Variants in NPNT observed in about 807,000 individuals in gnomAD.
NPNT encodes nephronectin.
Under a neutral mutation model 68.6 loss-of-function variants are expected in NPNT, and 45 were observed. The observed-to-expected ratio is 0.66, with a 90% CI of 0.52 to 0.84. The LOEUF is 0.84. Ranked by LOEUF, NPNT falls within the 40% of genes least tolerant of loss-of-function variation. The pLI is 0.00. For synonymous variants in NPNT, 233 were observed against 253.3 expected (o/e 0.92, Z 0.76); for missense variants, 672 against 714.8 (o/e 0.94, Z 0.68).
Position 105,970,424 on chromosome 4 carries a change from A to C in NPNT, c.*1434A>C. 1 of 701,408 alleles carries C rather than the reference A, an allele frequency of 1.4e-6. No homozygotes were observed. The highest frequency in any genetic ancestry group is 1.5e-5 in the South Asian group (1 of 67,536). 43.4% of individuals were successfully genotyped at this position (701,408 alleles called of 1,614,324 possible). ...ATTAAAGGGTTGGAAAAAAAGATCT[A>C]TGATGGAAAATTAAAGGAACTGGGA... is the stretch of plus-strand genomic sequence containing the variant. On this transcript the variant is annotated 3_prime_UTR_variant, in exon 12 of 12. Transcript: ENST00000379987.
chr4:105,957,332 C>A (rs1731311615), intron 8 of NPNT, among the ~76,000 whole-genome samples: 1 of 152,134 alleles, frequency 6.6e-6, no homozygotes, highest in Non-Finnish European at 1.5e-5. Flanking sequence ...TCTTGTCTAC[C>A]CCGTTCACCC....
chr4:105,967,970 T>C (rs1370284851), intron 11 of NPNT, among the ~76,000 whole-genome samples: 1 of 152,192 alleles, frequency 6.6e-6, no homozygotes, highest in Non-Finnish European at 1.5e-5. Context: ...AAAGCACTAT[T>C]CTATTCAGGA....
intron 2 of NPNT, among the ~76,000 whole-genome samples, chr4:105,909,365 G>A (rs1025309054): frequency 6.6e-6 from 1 of 152,100 alleles, no homozygotes; most frequent in Non-Finnish European, 1.5e-5. Context: ...TGGTGTCTAT[G>A]TATGGCCAAG....
intron 3 of NPNT, among the ~76,000 whole-genome samples, chr4:105,932,358 G>A (rs1025226590): frequency 1.3e-5 from 2 of 152,112 alleles, no homozygotes; most frequent in Admixed American, 6.5e-5. Flanking sequence ...TTAAAAAATT[G>A]TATGACGATG....
intron 10 of NPNT, among the ~76,000 whole-genome samples, chr4:105,966,656 CT>C (rs1732162210): frequency 6.6e-6 from 1 of 151,226 alleles, no homozygotes. Flanking sequence ...TTTAAAGAAC[CT>C]TTACGTTTAG....
rs1029664996 is a variant in NPNT, at chr4:105,967,242, G to T, written c.1400G>T (p.Arg467Leu). 2 of 1,614,000 alleles carry T rather than the reference G, an allele frequency of 1.2e-6. No homozygotes were observed. Among genetic ancestry groups the T allele is most frequent in the East Asian group, 2.2e-5 (1 of 44,874 alleles). The part of the protein sequence containing the change: ...AAKAPGGKAA[R>L]LVLPLGRLMH... ...AAAGCCCCAGGGGGAAAAGCTGCAC[G>T]CTTGGTGCTACCTCTCGGCCGCCTC... Residue 467 changes from arginine to leucine, a missense_variant, in exon 11 of 12, where the codon CGC becomes CTC. Coordinates refer to ENST00000379987, the MANE Select transcript of NPNT (RefSeq NM_001033047.3).
chr4:105,948,035 C>T (rs963503418), intron 8 of NPNT, among the ~76,000 whole-genome samples: 7 of 152,022 alleles, frequency 4.6e-5, no homozygotes, highest in Admixed American at 1.3e-4. Flanking sequence ...CTAAGTAATC[C>T]TTCATATGCT....
At chr4:105,960,200 G>C (rs78616685) in intron 10 of NPNT, among the ~76,000 whole-genome samples, 3 of 152,026 alleles carry the variant, frequency 2.0e-5, no homozygotes, top group Admixed American at 1.3e-4. Context: ...CCTGATTCTA[G>C]ATTTTAAGAA....
At chr4:105,956,694 C>T (rs1731255456) in intron 8 of NPNT, among the ~76,000 whole-genome samples, 1 of 152,130 alleles carries the variant, frequency 6.6e-6, no homozygotes, top group African/African-American at 2.4e-5. Flanking sequence ...AAAAGAGGCA[C>T]TCCCCGTCTC....
At chr4:105,935,718 G>A (rs1254055919) in intron 3 of NPNT, among the ~76,000 whole-genome samples, 1 of 152,162 alleles carries the variant, frequency 6.6e-6, no homozygotes, top group Admixed American at 6.5e-5. Context: ...CTCGGGGTCT[G>A]CTTACAGTTG....
At chr4:105,920,395 T>TAAAAAAAAAAAAAAAAAAAAAA (rs11355483) in intron 2 of NPNT, among the ~76,000 whole-genome samples, 9 of 79,460 alleles carry the variant, frequency 1.1e-4, no homozygotes, top group African/African-American at 1.5e-4. Flanking sequence ...GTTACTCTAC[T>TAAAAAAAAAAAAAAAAAAAAAA]AAAAAAAAAA....
At chr4:105,914,480 T>TATAGAG (rs1727639167) in intron 2 of NPNT, among the ~76,000 whole-genome samples, 3 of 137,298 alleles carry the variant, frequency 2.2e-5, no homozygotes, top group African/African-American at 8.2e-5. Flanking sequence ...ATTATATATA[T>TATAGAG]AGAGAGAGAG....
intron 3 of NPNT, chr4:105,932,751 T>C (rs1729215876): frequency 8.1e-7 from 1 of 1,230,416 alleles, no homozygotes; most frequent in Admixed American, 2.0e-5. Context: ...CCTGCATGGC[T>C]TCCTGCAGTT....
At chr4:105,956,440 C>T (rs115767743) in intron 8 of NPNT, among the ~76,000 whole-genome samples, 7 of 151,814 alleles carry the variant, frequency 4.6e-5, no homozygotes, top group African/African-American at 7.2e-5. Flanking sequence ...CATCAACACT[C>T]GATTTGCCAT....
At chr4:105,955,115 T>C (rs1241127145) in intron 8 of NPNT, among the ~76,000 whole-genome samples, 1 of 152,232 alleles carries the variant, frequency 6.6e-6, no homozygotes, top group East Asian at 1.9e-4. Context: ...TCTAAATTTA[T>C]ACCATTCTAA....
At chr4:105,940,019 A>G in intron 5 of NPNT, 56 bp from the exon 6 acceptor site, 1 of 1,501,274 alleles carries the variant, frequency 6.7e-7, no homozygotes, top group South Asian at 1.1e-5. Context: ...TTTGAAACCC[A>G]CTCTGTCTTA....
chr4:105,934,031 C>T (rs1397986780), intron 3 of NPNT, among the ~76,000 whole-genome samples: 1 of 151,624 alleles, frequency 6.6e-6, no homozygotes, highest in African/African-American at 2.4e-5. Flanking sequence ...TTATAAACCT[C>T]CAGAGAAAAA....
At position 105,895,718 on chromosome 4, in the gene NPNT, C is replaced by T. The variant is rs1439896748; in HGVS notation, c.66C>T (p.Asp22=). 2 of 1,552,852 alleles carry T rather than the reference C, an allele frequency of 1.3e-6. No homozygotes were observed. Among genetic ancestry groups the T allele is most frequent in the South Asian group, 1.2e-5 (1 of 84,154 alleles). Residue 22 remains aspartate (D), a synonymous_variant, in exon 1 of 12, where the codon GAC becomes GAT. Transcript: ENST00000379987. ...SLYLQAAAEF[D]GRWPRQIVSS... is the part of the protein sequence containing the mutation. ...ACCTGCAGGCGGCCGCCGAGTTCGA[C>T]GGGAGGTGAGCTGGGCCCCGGGGCG...
At chr4:105,912,345 T>C (rs1252893373) in intron 2 of NPNT, 2 of 766,644 alleles carry the variant, frequency 2.6e-6, no homozygotes, top group East Asian at 5.6e-5. Context: ...GTTGTGTTTT[T>C]GAATTGCTTC....
Sources: gnomAD v4.1 joint callset for allele counts (sites outside exome capture counted in the v4.1 genomes callset) on GRCh38, gnomAD v4.1.1 for gene constraint, MANE v1.5 for transcripts, NCBI Gene and HGNC (gene_info 2026-07-23, HGNC 2026-07-21) for gene names.